Variants in B3GALT1 observed in about 807,000 individuals in gnomAD.
B3GALT1 encodes the protein UDP-Gal:betaGlcNAc beta 1,3-galactosyltransferase, polypeptide 1.
B3GALT1 carries 10 observed loss-of-function variants against 23.2 expected under a neutral mutation model. The ratio of observed to expected loss-of-function variants is 0.43; its 90% confidence interval spans 0.27 to 0.73. The LOEUF (loss-of-function observed/expected upper bound fraction) is 0.73. Among genes scored for constraint, B3GALT1 ranks in the 30% least tolerant of loss-of-function variants. B3GALT1 has a pLI of 0.21. For missense variants in B3GALT1, 299 were observed against 405.4 expected (o/e 0.74, Z 2.25); for synonymous variants, 156 against 141.5 (o/e 1.10, Z -0.73).
chr2:167,640,043 C>T (rs1685624065), intron 2 of B3GALT1, among the ~76,000 whole-genome samples: 1 of 152,120 alleles, frequency 6.6e-6, no homozygotes, highest in South Asian at 2.1e-4. Context: ...AGCACTGCTA[C>T]AGGCAATAGT....
At chr2:167,839,141 C>T (rs1250639457) in intron 4 of B3GALT1, among the ~76,000 whole-genome samples, 3 of 152,170 alleles carry the variant, frequency 2.0e-5, no homozygotes, top group East Asian at 1.9e-4. Flanking sequence ...CCTCTCTCAC[C>T]ACTCCTATTC....
rs1210550785 is a variant in B3GALT1 at position 167,870,652 on chromosome 2, T to G, written c.*632T>G. On this transcript the variant is annotated 3_prime_UTR_variant, in exon 5 of 5. Coordinates refer to ENST00000392690, the MANE Select transcript of B3GALT1 (RefSeq NM_020981.4). ...TTGCTCATCCAAGGATTAAATCTGGTCAGCAGGTGGAATGTGTATAAAATG... is the reference window on the plus strand; with the variant it reads ...TTGCTCATCCAAGGATTAAATCTGGGCAGCAGGTGGAATGTGTATAAAATG... 6.0e-6 allele frequency: 1 copy of G among 167,080 alleles called. No homozygotes were observed. The highest frequency in any genetic ancestry group is 1.5e-5 in the Non-Finnish European group (1 of 68,118). The allele number at this position is 167,080 out of a possible 1,614,324, so 10.3% of individuals were successfully genotyped here.
At chr2:167,604,002 T>C (rs1294802693) in intron 2 of B3GALT1, among the ~76,000 whole-genome samples, 1 of 152,114 alleles carries the variant, frequency 6.6e-6, no homozygotes, top group Non-Finnish European at 1.5e-5. Flanking sequence ...ATGAGAAATG[T>C]TCTATAGAAA....
At chr2:167,459,944 T>C (rs1486179245) in intron 1 of B3GALT1, among the ~76,000 whole-genome samples, 1 of 152,198 alleles carries the variant, frequency 6.6e-6, no homozygotes, top group African/African-American at 2.4e-5. Flanking sequence ...TTCACTGCCT[T>C]CTGGCCTCTA....
intron 3 of B3GALT1, among the ~76,000 whole-genome samples, chr2:167,810,570 A>G (rs1394824846): frequency 1.3e-5 from 2 of 151,090 alleles, no homozygotes; most frequent in African/African-American, 5.0e-5. Flanking sequence ...AGGCAGCAAC[A>G]GGAATCTTAA....
chr2:167,579,291 T>C (rs1267932723), intron 2 of B3GALT1, among the ~76,000 whole-genome samples: 1 of 152,018 alleles, frequency 6.6e-6, no homozygotes, highest in Non-Finnish European at 1.5e-5. Flanking sequence ...AGAAAGAAAC[T>C]CTTGCCCTCA....
At chr2:167,373,814 T>C (rs1314183178) in intron 1 of B3GALT1, among the ~76,000 whole-genome samples, 1 of 152,102 alleles carries the variant, frequency 6.6e-6, no homozygotes, top group African/African-American at 2.4e-5. Flanking sequence ...CTGCCTCGGC[T>C]TCCCAAAGTG....
intron 3 of B3GALT1, among the ~76,000 whole-genome samples, chr2:167,734,420 G>A (rs1423290823): frequency 1.3e-5 from 2 of 152,158 alleles, no homozygotes; most frequent in African/African-American, 2.4e-5. Flanking sequence ...TTGCTGTAAG[G>A]CAATAGCAAC....
intron 3 of B3GALT1, among the ~76,000 whole-genome samples, chr2:167,659,940 T>C (rs1249501024): frequency 6.6e-6 from 1 of 152,076 alleles, no homozygotes; most frequent in African/African-American, 2.4e-5. Flanking sequence ...CTGATTCGTA[T>C]TCAATTCAAA....
At chr2:167,713,663 C>A in intron 3 of B3GALT1, 1 of 1,372,584 alleles carries the variant, frequency 7.3e-7, no homozygotes, top group Non-Finnish European at 1.0e-6. Context: ...TGTCAGATTT[C>A]TTGCTGTGGT....
chr2:167,736,703 AC>A (rs1392601089), intron 3 of B3GALT1, among the ~76,000 whole-genome samples: 7 of 152,088 alleles, frequency 4.6e-5, no homozygotes, highest in African/African-American at 1.7e-4. Context: ...GGAGTTTGAG[AC>A]CAACCTGGCC....
chr2:167,372,477 C>T (rs1342300565), intron 1 of B3GALT1, among the ~76,000 whole-genome samples: 3 of 151,960 alleles, frequency 2.0e-5, no homozygotes, highest in Middle Eastern at 3.2e-3. Context: ...TTCTATTCCC[C>T]CTTTTGTTGG....
At chr2:167,842,715 A>C (rs1689675128) in intron 4 of B3GALT1, among the ~76,000 whole-genome samples, 2 of 152,112 alleles carry the variant, frequency 1.3e-5, no homozygotes, top group African/African-American at 4.8e-5. Flanking sequence ...CTCTACAAAA[A>C]ACTATCAAAT....
chr2:167,618,637 T>C (rs1338198897), intron 2 of B3GALT1, among the ~76,000 whole-genome samples: 1 of 151,992 alleles, frequency 6.6e-6, no homozygotes, highest in Non-Finnish European at 1.5e-5. Context: ...CTAGTCTAGG[T>C]CAATTCAGCA....
chr2:167,620,200 C>T (rs13405109), intron 2 of B3GALT1, among the ~76,000 whole-genome samples: 1 of 151,966 alleles, frequency 6.6e-6, no homozygotes, highest in African/African-American at 2.4e-5. Context: ...TAAAAATGTA[C>T]AAAAGTGTGT....
chr2:167,745,779 C>T (rs533242361), intron 3 of B3GALT1, among the ~76,000 whole-genome samples: 10 of 152,050 alleles, frequency 6.6e-5, no homozygotes, highest in African/African-American at 1.4e-4. Context: ...ATTCTACTGA[C>T]GTATAGTGTG....
chr2:167,742,808 A>G (rs1687595232), intron 3 of B3GALT1, among the ~76,000 whole-genome samples: 1 of 152,186 alleles, frequency 6.6e-6, no homozygotes, highest in African/African-American at 2.4e-5. Flanking sequence ...CCCAACTTAA[A>G]GAACTAAAAT....
At chr2:167,426,201 G>A (rs1445472140) in intron 1 of B3GALT1, among the ~76,000 whole-genome samples, 1 of 151,450 alleles carries the variant, frequency 6.6e-6, no homozygotes, top group African/African-American at 2.4e-5. Flanking sequence ...GAGAAATTTT[G>A]TTCATAGTTC....
intron 1 of B3GALT1, among the ~76,000 whole-genome samples, chr2:167,405,269 A>G (rs181609364): frequency 1.3e-5 from 2 of 152,292 alleles, no homozygotes; most frequent in Admixed American, 6.5e-5. Context: ...ATTCTATATC[A>G]GTAGTAGTAA....
Sources: gnomAD v4.1 joint callset for allele counts (sites outside exome capture counted in the v4.1 genomes callset) on GRCh38, gnomAD v4.1.1 for gene constraint, MANE v1.5 for transcripts, NCBI Gene and HGNC (gene_info 2026-07-23, HGNC 2026-07-21) for gene names.